The following SSH2 variants were observed in gnomAD, a reference collection of about 807,000 sequenced individuals.
SSH2 encodes protein phosphatase Slingshot homolog 2.
A neutral mutation model predicts 135.2 loss-of-function variants in SSH2; 37 were observed. That is an observed-to-expected ratio of 0.27 (90% CI 0.21 to 0.36). SSH2 has a LOEUF of 0.36. SSH2 is among the 10% of genes least tolerant of loss of function. The pLI is 1.00. For missense variants in SSH2, 1,408 were observed against 1,765.3 expected (o/e 0.80, Z 3.63); for synonymous variants, 628 against 646.2 (o/e 0.97, Z 0.43).
intron 1 of SSH2, among the ~76,000 whole-genome samples, chr17:29,867,692 A>G (rs367683163): frequency 6.6e-6 from 1 of 152,242 alleles, no homozygotes; most frequent in Non-Finnish European, 1.5e-5. Context: ...GTATGCCAGG[A>G]AAGAAAGACA....
intron 3 of SSH2, among the ~76,000 whole-genome samples, chr17:29,751,881 C>T (rs935119288): frequency 1.3e-5 from 2 of 151,816 alleles, no homozygotes; most frequent in African/African-American, 4.8e-5. Flanking sequence ...AAGCAAATAT[C>T]AAAAGTGATA....
intron 9 of SSH2, among the ~76,000 whole-genome samples, 185 bp downstream of exon 9, chr17:29,671,750 A>G (rs1364647310): frequency 6.6e-6 from 1 of 152,246 alleles, no homozygotes; most frequent in African/African-American, 2.4e-5. Flanking sequence ...GAAGCTTCTC[A>G]GGCCTTTGCA....
rs530197081 is a variant in SSH2 at position 29,901,283 on chromosome 17, A to T, written c.63+28655T>A. 8.6e-5 allele frequency among the ~76,000 whole-genome samples: 13 copies of T among 150,978 alleles called. No individual in the cohort carries two copies. In the South Asian group the frequency reaches 2.7e-3, roughly 32 times the overall value. ...CCCTAAAACTTAAAGTATAATAATA[A>T]AAAAAAAACAATGTTTTCTCTCTCA... On this transcript the variant is annotated intron_variant, in intron 1 of 15. Transcript: ENST00000540801.
chr17:29,714,724 C>T (rs1159801265), intron 3 of SSH2, among the ~76,000 whole-genome samples: 1 of 152,278 alleles, frequency 6.6e-6, no homozygotes, highest in South Asian at 2.1e-4. Context: ...CTGGAAGTCA[C>T]GAGTTCTTGA....
intron 1 of SSH2, chr17:29,856,071 G>A (rs1186969336): frequency 3.8e-5 from 13 of 343,242 alleles, no homozygotes; most frequent in South Asian, 3.0e-4. Flanking sequence ...AGTTATCCAG[G>A]AGCATGGGTC....
intron 2 of SSH2, among the ~76,000 whole-genome samples, chr17:29,836,734 C>T (rs2042949612): frequency 6.6e-6 from 1 of 152,090 alleles, no homozygotes; most frequent in Non-Finnish European, 1.5e-5. Flanking sequence ...AAATTACTAC[C>T]GCTTTTCTAC....
intron 1 of SSH2, among the ~76,000 whole-genome samples, chr17:29,881,140 A>G (rs565070000): frequency 2.1e-4 from 32 of 152,350 alleles, no homozygotes; most frequent in Admixed American, 5.2e-4. Flanking sequence ...AATGTCTTCA[A>G]ATACAAACAT....
intron 11 of SSH2, among the ~76,000 whole-genome samples, chr17:29,663,535 A>C (rs2037139516): frequency 6.6e-6 from 1 of 152,220 alleles, no homozygotes; most frequent in Non-Finnish European, 1.5e-5. Flanking sequence ...GTAGGATTTA[A>C]ATTACAGAGA....
chr17:29,780,412 T>C (rs1439954393), intron 3 of SSH2: 1 of 151,156 alleles, frequency 6.6e-6, no homozygotes, highest in Non-Finnish European at 1.5e-5. Context: ...TTGTAATTTC[T>C]CTGTAAGTAT....
chr17:29,853,755 A>G (rs557302233), intron 1 of SSH2, among the ~76,000 whole-genome samples: 1 of 151,786 alleles, frequency 6.6e-6, no homozygotes, highest in South Asian at 2.1e-4. Context: ...AATAACATCG[A>G]TCTATTAGGG....
At chr17:29,690,012 CAAAAAAAAAA>C (rs946244880) in intron 5 of SSH2, among the ~76,000 whole-genome samples, 6 of 31,364 alleles carry the variant, frequency 1.9e-4, no homozygotes, top group Non-Finnish European at 4.0e-4. Context: ...AGATCCATCT[CAAAAAAAAAA>C]AAAAAAAAAA....
intron 11 of SSH2, among the ~76,000 whole-genome samples, chr17:29,664,984 A>G (rs2037212388): frequency 1.3e-5 from 2 of 152,112 alleles, no homozygotes; most frequent in African/African-American, 4.8e-5. Context: ...TTACGTGTTA[A>G]AAGTCAAGCT....
At chr17:29,848,045 A>G (rs2043164348) in intron 2 of SSH2, among the ~76,000 whole-genome samples, 1 of 152,192 alleles carries the variant, frequency 6.6e-6, no homozygotes, top group Non-Finnish European at 1.5e-5. Context: ...TTGCTGTCTA[A>G]CACCACAGGT....
At chr17:29,757,028 G>T (rs1484768968) in intron 3 of SSH2, among the ~76,000 whole-genome samples, 1 of 152,136 alleles carries the variant, frequency 6.6e-6, no homozygotes, top group Admixed American at 6.5e-5. Context: ...CTTTTGAGAG[G>T]GTTCTCAGCA....
intron 3 of SSH2, among the ~76,000 whole-genome samples, chr17:29,740,562 A>G (rs557699888): frequency 3.3e-5 from 5 of 151,796 alleles, no homozygotes; most frequent in African/African-American, 4.8e-5. Flanking sequence ...CTTTTCTCCT[A>G]TATTCAATAC....
At chr17:29,801,844 A>G (rs1262465526) in intron 2 of SSH2, among the ~76,000 whole-genome samples, 2 of 152,226 alleles carry the variant, frequency 1.3e-5, no homozygotes, top group East Asian at 1.9e-4. Context: ...CTAACTAGCT[A>G]TACATTTTCT....
chr17:29,635,620 G>A (rs1047291511), intron 15 of SSH2, among the ~76,000 whole-genome samples: 5 of 151,816 alleles, frequency 3.3e-5, no homozygotes, highest in African/African-American at 1.2e-4. Context: ...GTGTTAGCCA[G>A]GATGGTTTCG....
intron 1 of SSH2, among the ~76,000 whole-genome samples, chr17:29,885,030 A>G (rs1206626287): frequency 6.6e-6 from 1 of 152,202 alleles, no homozygotes; most frequent in Non-Finnish European, 1.5e-5. Flanking sequence ...TTCTGATGCA[A>G]TGTAAAGCCT....
chr17:29,817,210 T>A (rs1012948820), intron 2 of SSH2, among the ~76,000 whole-genome samples: 15 of 152,222 alleles, frequency 9.9e-5, no homozygotes, highest in Non-Finnish European at 1.5e-4. Flanking sequence ...CAATATCCAC[T>A]GTTTTTCTTT....
Sources: gnomAD v4.1 joint callset for allele counts (sites outside exome capture counted in the v4.1 genomes callset) on GRCh38, gnomAD v4.1.1 for gene constraint, MANE v1.5 for transcripts, NCBI Gene and HGNC (gene_info 2026-07-23, HGNC 2026-07-21) for gene names.